GALNTL6: variants seen among roughly 807,000 people sequenced by gnomAD.
GALNTL6 encodes the protein polypeptide N-acetylgalactosaminyltransferase like 6.
GALNTL6 carries 46 observed loss-of-function variants against 73.7 expected under a neutral mutation model. The observed-to-expected ratio is 0.62, with a 90% CI of 0.49 to 0.80. The LOEUF is 0.80. Among genes scored for constraint, GALNTL6 ranks in the 30% least tolerant of loss-of-function variants. GALNTL6 has a pLI of 0.00. For synonymous variants in GALNTL6, 259 were observed against 263.7 expected, an observed-to-expected ratio of 0.98 and a Z score of 0.17; for missense variants, 604 against 755.0, an observed-to-expected ratio of 0.80 and a Z score of 2.34.
At chr4:172,091,240 G>T (rs937542473) in intron 2 of GALNTL6, among the ~76,000 whole-genome samples, 3 of 152,098 alleles carry the variant, frequency 2.0e-5, no homozygotes, top group Non-Finnish European at 4.4e-5. Flanking sequence ...TTACAAGACT[G>T]GTGATTGTTC....
chr4:172,524,418 T>C (rs1393722550), intron 5 of GALNTL6, among the ~76,000 whole-genome samples: 1 of 151,870 alleles, frequency 6.6e-6, no homozygotes, highest in Non-Finnish European at 1.5e-5. Flanking sequence ...CCGGCTAATG[T>C]TTTTGTATTT....
intron 2 of GALNTL6, among the ~76,000 whole-genome samples, chr4:172,010,673 T>C (rs907624616): frequency 6.6e-6 from 1 of 152,058 alleles, no homozygotes; most frequent in East Asian, 1.9e-4. Context: ...TAACACTTAC[T>C]AGCAACTACT....
intron 8 of GALNTL6, among the ~76,000 whole-genome samples, chr4:172,898,188 A>G (rs1311403507): frequency 6.6e-6 from 1 of 152,078 alleles, no homozygotes; most frequent in Non-Finnish European, 1.5e-5. Flanking sequence ...ATAACAGTGT[A>G]CAGCTCTTCT....
chr4:172,077,444 C>A (rs1038168635), intron 2 of GALNTL6, among the ~76,000 whole-genome samples: 3 of 152,198 alleles, frequency 2.0e-5, no homozygotes, highest in African/African-American at 4.8e-5. Flanking sequence ...AAAGGTCACT[C>A]TTCCTATGCT....
intron 5 of GALNTL6, among the ~76,000 whole-genome samples, chr4:172,709,574 G>A (rs764914598): frequency 6.6e-6 from 1 of 152,108 alleles, no homozygotes; most frequent in African/African-American, 2.4e-5. Context: ...TTTTTGATGT[G>A]TTTATTCTCT....
At chr4:172,862,663 G>A (rs1346688743) in intron 7 of GALNTL6, among the ~76,000 whole-genome samples, 1 of 151,998 alleles carries the variant, frequency 6.6e-6, no homozygotes, top group Non-Finnish European at 1.5e-5. Context: ...TCACAGTACT[G>A]CACTCCAGCC....
chr4:171,900,569 C>A (rs548750729), intron 2 of GALNTL6, among the ~76,000 whole-genome samples: 1 of 151,728 alleles, frequency 6.6e-6, no homozygotes, highest in Admixed American at 6.6e-5. Context: ...CCACCCACCT[C>A]GGCTTCCCAA....
intron 5 of GALNTL6, among the ~76,000 whole-genome samples, chr4:172,376,159 C>T (rs1381128105): frequency 6.6e-6 from 1 of 152,072 alleles, no homozygotes; most frequent in East Asian, 1.9e-4. Context: ...AAGAAGATAA[C>T]AGAATCCTGG....
intron 2 of GALNTL6, among the ~76,000 whole-genome samples, chr4:172,123,182 A>T (rs1733198700): frequency 6.6e-6 from 1 of 152,170 alleles, no homozygotes; most frequent in Non-Finnish European, 1.5e-5. Flanking sequence ...TGGGCATTCT[A>T]TGCTAGTTCT....
chr4:171,900,719 G>A (rs1208890818), intron 2 of GALNTL6, among the ~76,000 whole-genome samples: 1 of 152,012 alleles, frequency 6.6e-6, no homozygotes. Context: ...TGATAAATAT[G>A]TCCTTGGGTA....
intron 2 of GALNTL6, among the ~76,000 whole-genome samples, chr4:171,998,707 T>G (rs1740574614): frequency 6.6e-6 from 1 of 152,210 alleles, no homozygotes; most frequent in African/African-American, 2.4e-5. Context: ...AAAACTTCCA[T>G]GCCTGCTAAA....
At chr4:173,013,060 T>C (rs1277573726) in intron 11 of GALNTL6, among the ~76,000 whole-genome samples, 1 of 152,130 alleles carries the variant, frequency 6.6e-6, no homozygotes, top group Non-Finnish European at 1.5e-5. Context: ...GACTCCCAGA[T>C]TTATTGATAG....
intron 12 of GALNTL6, among the ~76,000 whole-genome samples, chr4:173,028,298 C>T (rs1343366052): frequency 6.6e-6 from 1 of 152,138 alleles, no homozygotes; most frequent in East Asian, 1.9e-4. Context: ...AATGTACTCG[C>T]CTGAGGATAG....
chr4:172,548,482 C>G (rs1408622323), intron 5 of GALNTL6, among the ~76,000 whole-genome samples: 1 of 152,028 alleles, frequency 6.6e-6, no homozygotes, highest in African/African-American at 2.4e-5. Flanking sequence ...AAGCTAAAGC[C>G]CCCGGTACAT....
At chr4:172,900,594 G>A (rs912034928) in intron 8 of GALNTL6, among the ~76,000 whole-genome samples, 1 of 152,056 alleles carries the variant, frequency 6.6e-6, no homozygotes, top group Non-Finnish European at 1.5e-5. Context: ...TGAACTGGAA[G>A]AACAGAATAT....
chr4:171,823,594 T>G lies in GALNTL6; in HGVS notation c.138+8876T>G, dbSNP rs1055374952. Among the ~76,000 whole-genome samples, 209 of 150,862 alleles carry G rather than the reference T, an allele frequency of 1.4e-3. 6 individuals carry two copies. The highest frequency in any genetic ancestry group is 0.013 in the Admixed American group (193 of 15,088). Reference sequence around the variant, plus strand: ...GTATATATATATACACACACACATATATATATATATTATAGATGTCTTAGC... The same window carrying G: ...GTATATATATATACACACACACATAGATATATATATTATAGATGTCTTAGC... On this transcript the variant is annotated intron_variant, in intron 2 of 12. Transcript: ENST00000506823.
chr4:172,928,562 C>T (rs1226808695), intron 8 of GALNTL6, among the ~76,000 whole-genome samples: 1 of 152,166 alleles, frequency 6.6e-6, no homozygotes, highest in Non-Finnish European at 1.5e-5. Flanking sequence ...GATTTCAACA[C>T]ATCTAGTGAT....
intron 3 of GALNTL6, among the ~76,000 whole-genome samples, chr4:172,306,417 G>A (rs1460274911): frequency 1.3e-5 from 2 of 152,032 alleles, no homozygotes; most frequent in African/African-American, 2.4e-5. Flanking sequence ...ATAAATAAAT[G>A]AAAACAAAAA....
At chr4:172,328,233 T>G (rs190340328) in intron 4 of GALNTL6, among the ~76,000 whole-genome samples, 2 of 152,192 alleles carry the variant, frequency 1.3e-5, no homozygotes, top group Non-Finnish European at 2.9e-5. Flanking sequence ...TCTTCTTTCT[T>G]GTAGAGTTTC....
Sources: allele counts gnomAD v4.1 joint callset (sites outside exome capture counted in the v4.1 genomes callset), GRCh38; gene constraint gnomAD v4.1.1; transcripts MANE v1.5; gene names NCBI Gene and HGNC (gene_info 2026-07-23, HGNC 2026-07-21).